The following DIS3L variants were observed in gnomAD, a reference collection of about 807,000 sequenced individuals.
The protein encoded by DIS3L is DIS3-like exonuclease 1.
DIS3L carries 100 observed loss-of-function variants against 120.3 expected under a neutral mutation model. The ratio of observed to expected loss-of-function variants is 0.83; its 90% CI spans 0.71 to 0.98. DIS3L has a LOEUF of 0.98. Ranked by LOEUF, DIS3L falls within the 50% of genes least tolerant of loss-of-function variation. The probability of loss-of-function intolerance (pLI) is 0.00; values close to 1 mark genes in which losing one functional copy is unlikely to be tolerated. For missense variants in DIS3L, 1,196 were observed against 1,314.2 expected (o/e 0.91, Z 1.39); for synonymous variants, 426 against 470.6 (o/e 0.91, Z 1.23).
intron 5 of DIS3L, among the ~76,000 whole-genome samples, chr15:66,313,314 T>C (rs2092781469): frequency 6.6e-6 from 1 of 152,152 alleles, no homozygotes; most frequent in African/African-American, 2.4e-5. Context: ...TATTTTGAGA[T>C]AGAAGATTTT....
At position 66,314,069 on chromosome 15, in the gene DIS3L, C is replaced by G. The variant is rs866722540; in HGVS notation, c.766C>G (p.Gln256Glu). Residue 256 changes from glutamine (Q) to glutamate (E), a missense_variant, in exon 6 of 17, where the codon CAA becomes GAA. Gln to Glu is a conservative substitution (Grantham distance 29). Transcript: ENST00000319212. Reference protein sequence around the residue: ...GILNVNKHRAQIEAFVRLQGA... With the variant: ...GILNVNKHRAEIEAFVRLQGA... ...TCTGAATGTCAACAAACACAGAGCC[C>G]AAATAGAAGCTTTTGTTCGACTTCA... 4.6e-6 allele frequency: 7 copies of G among 1,531,350 alleles called. No homozygotes were observed. The highest frequency in any genetic ancestry group is 6.1e-6 in the Non-Finnish European group (7 of 1,145,210). 94.9% of individuals were successfully genotyped at this position (1,531,350 alleles called of 1,614,324 possible). A position where few individuals can be genotyped will look rare whatever the true frequency, so the allele number is the denominator to read the frequency against.
At chr15:66,308,630 A>T in intron 3 of DIS3L, 79 bp from the exon 4 acceptor site, 1 of 1,534,400 alleles carries the variant, frequency 6.5e-7, no homozygotes, top group Non-Finnish European at 8.8e-7. Context: ...AAAGGATAGC[A>T]AAAGCCAGAT....
chr15:66,308,129 C>T (rs2092719444), intron 3 of DIS3L, among the ~76,000 whole-genome samples: 1 of 152,166 alleles, frequency 6.6e-6, no homozygotes, highest in South Asian at 2.1e-4. Context: ...CATTGTTCAC[C>T]ACTGCATTCC....
chr15:66,328,641 G>T (rs1047126613), intron 12 of DIS3L, among the ~76,000 whole-genome samples: 8 of 152,142 alleles, frequency 5.3e-5, no homozygotes, highest in African/African-American at 1.9e-4. Flanking sequence ...CCTATATATA[G>T]AATGTTTAAG....
chr15:66,323,467 C>G, intron 10 of DIS3L, 26 bp from the exon 11 acceptor site: 1 of 1,612,422 alleles, frequency 6.2e-7, no homozygotes, highest in Non-Finnish European at 8.5e-7. Context: ...CTAAAGGTCG[C>G]GTTGCCGCGT....
chr15:66,296,614 C>G (rs1198968279), intron 2 of DIS3L, among the ~76,000 whole-genome samples: 2 of 151,794 alleles, frequency 1.3e-5, no homozygotes, highest in African/African-American at 4.8e-5. Context: ...ACCTCCACCT[C>G]CCGGGTTCAA....
In DIS3L at chr15:66,293,746, G is replaced by T. The variant is rs1595704853; in HGVS notation, c.139+11G>T. On this transcript the variant is annotated intron_variant, in intron 1 of 16. Coordinates refer to ENST00000319212, the MANE Select transcript of DIS3L (RefSeq NM_001143688.3). ...CCGCCTGCAGCCACGGTCAGGGCCG[G>T]GGCGGGGGCGGGGACGGGGCCGGCG... 1 of 1,196,708 alleles carries T rather than the reference G, an allele frequency of 8.4e-7. No individual in the cohort carries two copies. Among genetic ancestry groups the T allele is most frequent in the Non-Finnish European group, 1.0e-6 (1 of 966,180 alleles). 74.1% of individuals were successfully genotyped at this position (1,196,708 alleles called of 1,614,324 possible). A position where few individuals can be genotyped will look rare whatever the true frequency, so the allele number is the denominator to read the frequency against.
intron 2 of DIS3L, among the ~76,000 whole-genome samples, chr15:66,297,552 CA>C (rs1446765647): frequency 6.6e-6 from 1 of 152,192 alleles, no homozygotes; most frequent in Non-Finnish European, 1.5e-5. Context: ...ACATACTTAA[CA>C]TTTTTTTGGT....
rs2092792278 is a variant in DIS3L at position 66,314,058 on chromosome 15, AAC to A, written c.759_760del (p.His253GlnfsTer16). 1.3e-6 allele frequency: 2 copies of A among 1,545,234 alleles called. No homozygotes were observed. The highest frequency in any genetic ancestry group is 1.7e-6 in the Non-Finnish European group (2 of 1,149,402). The stretch of plus-strand genomic sequence containing the variant: ...TTTTAGGGAATTCTGAATGTCAACA[AAC>A]ACAGAGCCCAAATAGAAGCTTTTGT... On this transcript the variant is annotated frameshift_variant, in exon 6 of 17. Transcript: ENST00000319212. LOFTEE classifies it high-confidence loss of function.
intron 4 of DIS3L, among the ~76,000 whole-genome samples, chr15:66,309,094 A>AAAAAAAAAAAAAAT: frequency 1.0e-3 from 16 of 15,312 alleles, no homozygotes; most frequent in Non-Finnish European, 1.3e-3. Flanking sequence ...AAAAAAAAAA[A>AAAAAAAAAAAAAAT]ATATATATAT....
At chr15:66,298,121 G>A (rs926622511) in intron 2 of DIS3L, among the ~76,000 whole-genome samples, 3 of 144,628 alleles carry the variant, frequency 2.1e-5, no homozygotes, top group Non-Finnish European at 4.5e-5. Flanking sequence ...GGAGGTTGTG[G>A]TGAGCCGAGA....
intron 14 of DIS3L, chr15:66,330,601 C>T (rs2092989708): frequency 1.0e-6 from 1 of 966,162 alleles, no homozygotes. Context: ...AGAAATTTGT[C>T]TCAGTAGAAA....
At chr15:66,311,368 A>G (rs2092759586) in intron 4 of DIS3L, among the ~76,000 whole-genome samples, 1 of 152,174 alleles carries the variant, frequency 6.6e-6, no homozygotes, top group Admixed American at 6.6e-5. Context: ...TGTCTCAAAA[A>G]AAAGTACATA....
rs954557674 is a variant in DIS3L at position 66,308,897 on chromosome 15, T to C, written c.558+53T>C. 4.5e-6 allele frequency: 7 copies of C among 1,561,504 alleles called. No individual in the cohort carries two copies. In the Admixed American group the frequency reaches 1.0e-4, roughly 23 times the overall value. On this transcript the variant is annotated intron_variant, in intron 4 of 16. Coordinates refer to ENST00000319212, the MANE Select transcript of DIS3L (RefSeq NM_001143688.3). The stretch of plus-strand genomic sequence containing the variant: ...GTGCTCATTTTCTAAGTAGTACCCA[T>C]AAGGCTCTAGATCCCTTTGGTAACA...
chr15:66,313,751 G>GTA (rs939239211), intron 5 of DIS3L, among the ~76,000 whole-genome samples: 1 of 150,022 alleles, frequency 6.7e-6, no homozygotes, highest in South Asian at 2.1e-4. Flanking sequence ...AAAAAAAAGT[G>GTA]TATATGTGTG....
At chr15:66,326,942 T>G (rs1468467794) in intron 12 of DIS3L, among the ~76,000 whole-genome samples, 1 of 151,514 alleles carries the variant, frequency 6.6e-6, no homozygotes, top group Non-Finnish European at 1.5e-5. Context: ...TTTTTTTTTT[T>G]TCTTTGAGAT....
At position 66,310,168 on chromosome 15, in the gene DIS3L, C is replaced by T. The variant is rs572897225; in HGVS notation, c.558+1324C>T. 2.0e-5 allele frequency among the ~76,000 whole-genome samples: 3 copies of T among 152,228 alleles called. No homozygotes were observed. In the East Asian group the frequency reaches 5.8e-4, roughly 29 times the overall value. ...CTAGTTGGGTTTTGAATTGCAGATT[C>T]TGTAAGGGTTCCCAGGTGCATATAT... On this transcript the variant is annotated intron_variant, in intron 4 of 16. Coordinates refer to ENST00000319212, the MANE Select transcript of DIS3L (RefSeq NM_001143688.3).
rs2140357162 is a variant in DIS3L at position 66,311,910 on chromosome 15, G to A, written c.735+10G>A. On this transcript the variant is annotated intron_variant, in intron 5 of 16. Coordinates refer to ENST00000319212, the MANE Select transcript of DIS3L (RefSeq NM_001143688.3). ...TGGACGCTATATCCAGGTGAGGGTG[G>A]TAATTTAGAATGTGTCAGGGCTGGG... 1 of 1,613,222 alleles carries A rather than the reference G, an allele frequency of 6.2e-7. No individual in the cohort carries two copies. Among genetic ancestry groups the A allele is most frequent in the East Asian group, 2.2e-5 (1 of 44,848 alleles).
In DIS3L at chr15:66,322,931, C is replaced by T; in HGVS notation, c.1571C>T (p.Thr524Ile). The change falls in exon 10 of 17, where the codon ACA (threonine) becomes ATA (isoleucine). Residue 524 changes from threonine (T) to isoleucine (I), a missense_variant. Coordinates refer to ENST00000319212, the MANE Select transcript of DIS3L (RefSeq NM_001143688.3). ...PNSYIDIEAR[T>I]RATTYYLADR... ...TCTTACATTGATATTGAAGCTAGAACAAGGTAATGCTATTTGAAATCAGCT... is the reference window on the plus strand; with the variant it reads ...TCTTACATTGATATTGAAGCTAGAATAAGGTAATGCTATTTGAAATCAGCT... The T allele has an allele frequency of 3.7e-6, 6 of 1,613,924 alleles. No homozygotes were observed. Among genetic ancestry groups the T allele is most frequent in the Non-Finnish European group, 5.1e-6 (6 of 1,179,930 alleles).
Sources: allele counts gnomAD v4.1 joint callset (sites outside exome capture counted in the v4.1 genomes callset), GRCh38; gene constraint gnomAD v4.1.1; transcripts MANE v1.5; gene names NCBI Gene and HGNC (gene_info 2026-07-23, HGNC 2026-07-21).